The following NBEA variants were observed in gnomAD, a reference collection of about 807,000 sequenced individuals.
The protein encoded by NBEA is neurobeachin.
In NBEA, 44 loss-of-function variants were observed where a neutral mutation model predicts 343.4. The ratio of observed to expected loss-of-function variants is 0.13; its 90% CI spans 0.10 to 0.16. The LOEUF is 0.16. Ranked by LOEUF, NBEA falls within the 10% of genes least tolerant of loss-of-function variation. The pLI is 1.00. For missense variants in NBEA, 2,555 were observed against 3,631.3 expected (o/e 0.70, Z 7.62); for synonymous variants, 1,175 against 1,238.7 (o/e 0.95, Z 1.08).
At chr13:35,576,635 C>G (rs2153033410) in intron 45 of NBEA, among the ~76,000 whole-genome samples, 1 of 152,222 alleles carries the variant, frequency 6.6e-6, no homozygotes, top group Non-Finnish European at 1.5e-5. Context: ...ACTAAAGTCT[C>G]CACATTCTCA....
chr13:35,401,290 G>A (rs1486993093), intron 38 of NBEA, among the ~76,000 whole-genome samples: 5 of 151,920 alleles, frequency 3.3e-5, no homozygotes, highest in Admixed American at 1.3e-4. Flanking sequence ...CAAGTAGGAG[G>A]TGGCATGACT....
intron 1 of NBEA, among the ~76,000 whole-genome samples, chr13:34,986,094 T>C (rs2060535597): frequency 6.6e-6 from 1 of 150,834 alleles, no homozygotes; most frequent in South Asian, 2.1e-4. Flanking sequence ...ATGTGTTTGC[T>C]CTTGCTTCTC....
chr13:35,359,832 A>ATGTGTG (rs60793996), intron 38 of NBEA, among the ~76,000 whole-genome samples: 12 of 144,562 alleles, frequency 8.3e-5, no homozygotes, highest in East Asian at 8.1e-4. Context: ...GTGTGTGTGT[A>ATGTGTG]TGTGTGTGTG....
At chr13:35,627,539 C>T (rs1261046074) in intron 48 of NBEA, among the ~76,000 whole-genome samples, 1 of 151,932 alleles carries the variant, frequency 6.6e-6, no homozygotes, top group African/African-American at 2.4e-5. Context: ...TCCAAAATTG[C>T]CCAGTGATTC....
At chr13:34,975,214 AT>A (rs2060123940) in intron 1 of NBEA, among the ~76,000 whole-genome samples, 1 of 152,202 alleles carries the variant, frequency 6.6e-6, no homozygotes, top group Non-Finnish European at 1.5e-5. Flanking sequence ...ACTTCAAACT[AT>A]ATTATAAGGC....
At chr13:35,633,854 C>A (rs1457765125) in intron 49 of NBEA, among the ~76,000 whole-genome samples, 1 of 151,980 alleles carries the variant, frequency 6.6e-6, no homozygotes, top group Non-Finnish European at 1.5e-5. Context: ...CTGTTAGCAA[C>A]AGAGAAAATA....
chr13:35,464,327 T>C (rs1218913372), intron 40 of NBEA, among the ~76,000 whole-genome samples: 1 of 152,210 alleles, frequency 6.6e-6, no homozygotes, highest in Non-Finnish European at 1.5e-5. Context: ...GCCAAACTTA[T>C]TTACTGCTCA....
At chr13:35,139,744 G>GTTTT (rs36117821) in intron 17 of NBEA, among the ~76,000 whole-genome samples, 3,689 of 60,894 alleles carry the variant, frequency 0.061, 808 homozygotes, top group Non-Finnish European at 0.077. Context: ...GATGGATGGC[G>GTTTT]TTTTTTTTTT....
chr13:35,259,745 G>T (rs970987268), intron 34 of NBEA, among the ~76,000 whole-genome samples: 6 of 152,018 alleles, frequency 3.9e-5, no homozygotes, highest in Non-Finnish European at 5.9e-5. Flanking sequence ...ATAGTTAAAT[G>T]ATATTTCATC....
At chr13:35,133,439 T>C (rs2067537291) in intron 17 of NBEA, among the ~76,000 whole-genome samples, 1 of 152,120 alleles carries the variant, frequency 6.6e-6, no homozygotes, top group Non-Finnish European at 1.5e-5. Flanking sequence ...CAATTTACAA[T>C]TTTTGAAAAA....
intron 53 of NBEA, among the ~76,000 whole-genome samples, chr13:35,653,064 G>A (rs1400038708): frequency 6.6e-6 from 1 of 152,008 alleles, no homozygotes; most frequent in African/African-American, 2.4e-5. Flanking sequence ...CATATGAATT[G>A]CAAACTGATG....
intron 33 of NBEA, among the ~76,000 whole-genome samples, chr13:35,222,336 G>A (rs1428951800): frequency 6.6e-6 from 1 of 151,404 alleles, no homozygotes; most frequent in Non-Finnish European, 1.5e-5. Context: ...CTTTAAACTT[G>A]TCTATATTTT....
rs538420227 is a variant in NBEA at position 35,182,066 on chromosome 13, A to G, written c.4663-294A>G. Among the ~76,000 whole-genome samples, 3 of 151,796 alleles carry G rather than the reference A, an allele frequency of 2.0e-5. No individual in the cohort carries two copies. The East Asian group carries it at 5.8e-4, about 29-fold the overall frequency. ...ATCTACATATTTTATAAGCACACAT[A>G]CTATGTTGTTATGTAAGTAGTAGAT... On this transcript the variant is annotated intron_variant, in intron 28 of 58. Coordinates refer to ENST00000379939, the MANE Select transcript of NBEA (RefSeq NM_001385012.1).
chr13:35,387,620 G>T (rs2042303757), intron 38 of NBEA, among the ~76,000 whole-genome samples: 1 of 152,034 alleles, frequency 6.6e-6, no homozygotes, highest in Admixed American at 6.6e-5. Flanking sequence ...GATTTAATGG[G>T]GTAGACTTCA....
chr13:35,087,380 T>G (rs1265464466), intron 10 of NBEA, among the ~76,000 whole-genome samples: 1 of 151,838 alleles, frequency 6.6e-6, no homozygotes. Context: ...AATTTTAGAG[T>G]ACACTCTGGA....
At chr13:35,107,016 G>GTCT (rs1401053792) in intron 11 of NBEA, among the ~76,000 whole-genome samples, 2 of 151,728 alleles carry the variant, frequency 1.3e-5, no homozygotes, top group Non-Finnish European at 2.9e-5. Context: ...TTCTATTTTA[G>GTCT]AGTTTTAAGT....
At chr13:35,057,266 T>A (rs1293403753) in intron 7 of NBEA, among the ~76,000 whole-genome samples, 4 of 152,144 alleles carry the variant, frequency 2.6e-5, no homozygotes, top group Admixed American at 2.6e-4. Flanking sequence ...GATTTGCTTA[T>A]CCTGTCTTGT....
chr13:35,225,112 T>G, intron 33 of NBEA, among the ~76,000 whole-genome samples: 1 of 152,174 alleles, frequency 6.6e-6, no homozygotes, highest in East Asian at 1.9e-4. Context: ...TGTAGTCCCT[T>G]CTGCAATAGT....
At chr13:35,123,454 T>C (rs777629506) in intron 16 of NBEA, 28 bp from the exon 17 acceptor site, 8 of 1,338,220 alleles carry the variant, frequency 6.0e-6, no homozygotes, top group Non-Finnish European at 8.0e-6. Context: ...TTAGTAAGTT[T>C]TTAAAAGATA....
Sources: gnomAD v4.1 joint callset for allele counts (sites outside exome capture counted in the v4.1 genomes callset) on GRCh38, gnomAD v4.1.1 for gene constraint, MANE v1.5 for transcripts, NCBI Gene and HGNC (gene_info 2026-07-23, HGNC 2026-07-21) for gene names.